Variants in ZNF566 observed in about 807,000 individuals in gnomAD.
ZNF566 encodes the protein zinc finger protein 566.
Under a neutral mutation model 32.8 loss-of-function variants are expected in ZNF566, and 27 were observed. That is an observed-to-expected ratio of 0.82 (90% CI 0.61 to 1.14). The LOEUF (loss-of-function observed/expected upper bound fraction) is 1.14, where lower values mean the gene tolerates loss of function less well. Ranked by LOEUF, ZNF566 falls within the 50% of genes most tolerant of loss-of-function variation. The probability of loss-of-function intolerance (pLI) is 0.00; values close to 1 mark genes in which losing one functional copy is unlikely to be tolerated. For synonymous variants in ZNF566, 154 were observed against 159.5 expected (o/e 0.97, Z 0.26); for missense variants, 402 against 490.4 (o/e 0.82, Z 1.70).
chr19:36,475,522 G>A (rs1378199135), intron 2 of ZNF566, among the ~76,000 whole-genome samples: 1 of 152,008 alleles, frequency 6.6e-6, no homozygotes, highest in Non-Finnish European at 1.5e-5. Flanking sequence ...AGCTAATGAG[G>A]GCTTTTCCCT....
intron 4 of ZNF566, among the ~76,000 whole-genome samples, chr19:36,468,643 G>A (rs949608409): frequency 1.3e-5 from 2 of 151,496 alleles, no homozygotes; most frequent in African/African-American, 4.9e-5. Context: ...TTTGGGAGCA[G>A]TAGCTCATGC....
chr19:36,467,621 T>A (rs12975998), intron 4 of ZNF566, among the ~76,000 whole-genome samples: 1 of 148,592 alleles, frequency 6.7e-6, no homozygotes, highest in Non-Finnish European at 1.5e-5. Context: ...TGAAACCCCA[T>A]CTCTACAAAA....
At chr19:36,453,488 TA>T (rs2033216451) in intron 4 of ZNF566, among the ~76,000 whole-genome samples, 14 of 110,824 alleles carry the variant, frequency 1.3e-4, no homozygotes, top group African/African-American at 4.4e-4. Flanking sequence ...AATAAATAAA[TA>T]AATAAATAAA....
intron 1 of ZNF566, among the ~76,000 whole-genome samples, chr19:36,478,226 ATAT>A (rs978150883): frequency 2.0e-5 from 3 of 152,238 alleles, no homozygotes; most frequent in South Asian, 4.2e-4. Context: ...ATGCACGCTG[ATAT>A]TATTATTATT....
chr19:36,472,884 A>G (rs369539768), intron 4 of ZNF566, 27 bp downstream of exon 4: 35 of 1,578,196 alleles, frequency 2.2e-5, no homozygotes, highest in Non-Finnish European at 2.7e-5. Flanking sequence ...CAGCCAAATC[A>G]CGCATTACCT....
intron 4 of ZNF566, among the ~76,000 whole-genome samples, chr19:36,453,427 C>T (rs1200563384): frequency 3.3e-5 from 5 of 150,760 alleles, no homozygotes; most frequent in Admixed American, 2.0e-4. Flanking sequence ...GAGCCGAGAT[C>T]GCGCCACTGC....
At chr19:36,455,713 C>A (rs2033285823) in intron 4 of ZNF566, among the ~76,000 whole-genome samples, 2 of 151,800 alleles carry the variant, frequency 1.3e-5, no homozygotes, top group South Asian at 4.2e-4. Context: ...GCACTCCAGC[C>A]TGGGTGACAG....
At chr19:36,482,916 CA>C (rs1488355486) in intron 1 of ZNF566, among the ~76,000 whole-genome samples, 4 of 152,166 alleles carry the variant, frequency 2.6e-5, no homozygotes. Context: ...CCTTCTACAG[CA>C]AAGGGTAGGC....
At position 36,449,206 on chromosome 19, in the gene ZNF566, TC is replaced by T. The variant is rs1568506131; in HGVS notation, c.1027del (p.Glu343AsnfsTer105). 6.2e-7 allele frequency: 1 copy of T among 1,614,112 alleles called. No homozygotes were observed. The highest frequency in any genetic ancestry group is 2.2e-5 in the East Asian group (1 of 44,876). On this transcript the variant is annotated frameshift_variant, in exon 5 of 5. Transcript: ENST00000452939. LOFTEE classifies it high-confidence loss of function. ...GCCAGAACGAAAAGCCTTTTCACAT[TC>T]CTTACATTCGTAAGGTTTCTCACCT... Reference protein sequence around the residue: ...HTGEKPYECKECEKAFRSGSD... With the variant: ...HTGEKPYECKXCEKAFRSGSD...
At chr19:36,460,624 T>G (rs1464800232) in intron 4 of ZNF566, among the ~76,000 whole-genome samples, 1 of 152,054 alleles carries the variant, frequency 6.6e-6, no homozygotes, top group Non-Finnish European at 1.5e-5. Context: ...GAAGAGATAG[T>G]ATAGGACTCA....
At chr19:36,471,956 C>A (rs934789047) in intron 4 of ZNF566, among the ~76,000 whole-genome samples, 8 of 152,042 alleles carry the variant, frequency 5.3e-5, no homozygotes, top group Admixed American at 5.2e-4. Context: ...GTTGGCCAGG[C>A]TGGTCTTGAA....
intron 4 of ZNF566, among the ~76,000 whole-genome samples, chr19:36,471,925 G>T (rs1222080183): frequency 6.6e-6 from 1 of 151,928 alleles, no homozygotes; most frequent in Non-Finnish European, 1.5e-5. Context: ...GTATTTTTTA[G>T]TAGAGATGGG....
Position 36,488,163 on chromosome 19 carries a change from G to C in ZNF566, c.-60+1323C>G, listed in dbSNP as rs147482375. Among the ~76,000 whole-genome samples the C allele has an allele frequency of 2.7e-3, 404 of 152,176 alleles. 1 individual carries two copies. Among genetic ancestry groups the C allele is most frequent in the African/African-American group, 8.4e-3 (348 of 41,514 alleles). On this transcript the variant is annotated intron_variant, in intron 1 of 4. Coordinates refer to ENST00000452939, the MANE Select transcript of ZNF566 (RefSeq NM_001145344.1). ...AGTGGTATGATCATGGCTTCCTGCAGCTGCAAAGCACTGGGCTCAAGCGAT... is the reference window on the plus strand; with the variant it reads ...AGTGGTATGATCATGGCTTCCTGCACCTGCAAAGCACTGGGCTCAAGCGAT...
intron 1 of ZNF566, among the ~76,000 whole-genome samples, chr19:36,477,351 T>A (rs937621817): frequency 6.6e-6 from 1 of 152,058 alleles, no homozygotes; most frequent in Non-Finnish European, 1.5e-5. Flanking sequence ...AATCATCATT[T>A]AGGCTTTTTC....
At chr19:36,470,626 C>T (rs1246179918) in intron 4 of ZNF566, among the ~76,000 whole-genome samples, 1 of 152,128 alleles carries the variant, frequency 6.6e-6, no homozygotes, top group Non-Finnish European at 1.5e-5. Flanking sequence ...TATGTTGCAT[C>T]AAGGACAGGC....
intron 1 of ZNF566, among the ~76,000 whole-genome samples, chr19:36,486,774 A>G (rs766925034): frequency 6.6e-6 from 1 of 152,082 alleles, no homozygotes; most frequent in Non-Finnish European, 1.5e-5. Context: ...AATGGCCAGT[A>G]AACATACAAA....
At position 36,449,772 on chromosome 19, in the gene ZNF566, G is replaced by C; in HGVS notation, c.462C>G (p.His154Gln). 6.2e-7 allele frequency: 1 copy of C among 1,614,114 alleles called. No individual in the cohort carries two copies. The change falls in exon 5 of 5, where the codon CAC (histidine) becomes CAG (glutamine). Residue 154 changes from histidine to glutamine, a missense_variant. This residue lies in a region of ZNF566 where 220 missense variants were observed against 241.9 expected (regional missense o/e 0.91). Coordinates refer to ENST00000452939, the MANE Select transcript of ZNF566 (RefSeq NM_001145344.1). Reference protein sequence around the residue: ...FTHEDLPTLSHHPSFTLQQII... With the variant: ...FTHEDLPTLSQHPSFTLQQII... ...TTTGCTGTAATGTGAAGGATGGATG[G>C]TGACTCAAAGTGGGCAGATCTTCAT...
chr19:36,479,524 T>A lies in ZNF566; in HGVS notation c.-59-2908A>T, dbSNP rs78067793. Among the ~76,000 whole-genome samples, 171 of 152,340 alleles carry A rather than the reference T, an allele frequency of 1.1e-3. 3 individuals carry two copies. In the East Asian group the frequency reaches 0.02, roughly 18 times the overall value. On this transcript the variant is annotated intron_variant, in intron 1 of 4. Coordinates refer to ENST00000452939, the MANE Select transcript of ZNF566 (RefSeq NM_001145344.1). ...CTCAGGTATAAAGCTATCAAAAATG[T>A]TACTAAAAATGACAAATTGGTAAGA...
At chr19:36,471,182 C>A (rs1225041020) in intron 4 of ZNF566, among the ~76,000 whole-genome samples, 1 of 150,048 alleles carries the variant, frequency 6.7e-6, no homozygotes, top group Non-Finnish European at 1.5e-5. Context: ...CCACTGCACT[C>A]CAGCTTGGGC....
Sources: gnomAD v4.1 joint callset for allele counts (sites outside exome capture counted in the v4.1 genomes callset) on GRCh38, gnomAD v4.1.1 for gene constraint, gnomAD v4.1.1 regional missense constraint, MANE v1.5 for transcripts, NCBI Gene and HGNC (gene_info 2026-07-23, HGNC 2026-07-21) for gene names.